Variants in NLGN4X observed in about 807,000 individuals in gnomAD.
NLGN4X encodes neuroligin 4 X-linked, also known as neuroligin-4, X-linked.
Under a neutral mutation model 40.3 loss-of-function variants are expected in NLGN4X, and 3 were observed. The observed-to-expected ratio is 0.07, with a 90% CI of 0.03 to 0.19. The LOEUF (loss-of-function observed/expected upper bound fraction) is 0.19. Ranked by LOEUF, NLGN4X falls within the 10% of genes least tolerant of loss-of-function variation. The pLI is 1.00. For missense variants in NLGN4X, 382 were observed against 708.3 expected (o/e 0.54, Z 5.23); for synonymous variants, 270 against 306.8 (o/e 0.88, Z 1.25).
chrX:6,206,255 C>G (rs1030369705), intron 1 of NLGN4X, among the ~76,000 whole-genome samples: 1 of 111,256 alleles, frequency 9.0e-6, no homozygotes, highest in African/African-American at 3.3e-5. Flanking sequence ...AAACCCAGCT[C>G]TGCCCCAAGC....
At chrX:5,948,890 A>G (rs981104477) in intron 3 of NLGN4X, among the ~76,000 whole-genome samples, 1 of 111,904 alleles carries the variant, frequency 8.9e-6, no homozygotes, top group African/African-American at 3.2e-5. Flanking sequence ...GGAGTCCTCA[A>G]TCAGCTGGGA....
chrX:5,929,801 AG>A (rs1185654484), intron 3 of NLGN4X, among the ~76,000 whole-genome samples: 8 of 112,749 alleles, frequency 7.1e-5, no homozygotes, highest in Non-Finnish European at 1.1e-4. Flanking sequence ...AGCCTTCATA[AG>A]GCAATGAAGA....
chrX:6,170,796 T>C (rs2040590007), intron 1 of NLGN4X, among the ~76,000 whole-genome samples: 1 of 112,031 alleles, frequency 8.9e-6, no homozygotes, highest in African/African-American at 3.2e-5. Flanking sequence ...AAATTATCAA[T>C]GGGCAACCAC....
chrX:5,934,909 A>C (rs1489409953), intron 3 of NLGN4X, among the ~76,000 whole-genome samples: 1 of 112,170 alleles, frequency 8.9e-6, no homozygotes, highest in Non-Finnish European at 1.9e-5. Flanking sequence ...ACAACAAAGA[A>C]ATAATCTGTC....
chrX:6,115,823 T>C lies in NLGN4X; in HGVS notation c.472+35172A>G, dbSNP rs187123138. On this transcript the variant is annotated intron_variant, in intron 2 of 5. Transcript: ENST00000381095. ...GTTTTAACGTGCACACCTGACTCTGTGGCTCTCAAGATGCAACATCTGTTC... is the reference window on the plus strand; with the variant it reads ...GTTTTAACGTGCACACCTGACTCTGCGGCTCTCAAGATGCAACATCTGTTC... Among the ~76,000 whole-genome samples the C allele has an allele frequency of 3.3e-3, 367 of 111,576 alleles. 1 individual carries two copies. Among genetic ancestry groups the C allele is most frequent in the Middle Eastern group, 0.032 (7 of 217 alleles).
intron 3 of NLGN4X, among the ~76,000 whole-genome samples, chrX:5,953,796 A>T (rs1262900411): frequency 1.8e-5 from 2 of 112,017 alleles, no homozygotes. Flanking sequence ...TACAAGCAGC[A>T]AAAAGATGTT....
intron 3 of NLGN4X, among the ~76,000 whole-genome samples, chrX:5,927,478 T>C (rs2033378472): frequency 8.9e-6 from 1 of 112,505 alleles, no homozygotes; most frequent in Non-Finnish European, 1.9e-5. Flanking sequence ...TTCTGTATTA[T>C]AGGTTCTTCT....
intron 1 of NLGN4X, chrX:6,186,955 T>G (rs768145362): frequency 9.0e-6 from 1 of 110,537 alleles, no homozygotes; most frequent in East Asian, 2.9e-4. Context: ...CTCTAGAAAT[T>G]TAAAGGAAAT....
chrX:5,919,758 T>C (rs755530233), intron 3 of NLGN4X, among the ~76,000 whole-genome samples: 1 of 111,781 alleles, frequency 8.9e-6, no homozygotes, highest in South Asian at 3.8e-4. Context: ...ACTGAAACCG[T>C]TCCCCTACTT....
At chrX:6,166,163 T>A (rs1450124613) in intron 1 of NLGN4X, among the ~76,000 whole-genome samples, 3 of 112,763 alleles carry the variant, frequency 2.7e-5, no homozygotes, top group Non-Finnish European at 5.6e-5. Context: ...AAATTGTGAC[T>A]ATTACGAACC....
intron 2 of NLGN4X, among the ~76,000 whole-genome samples, chrX:6,077,450 A>T (rs1055164651): frequency 3.7e-5 from 4 of 109,140 alleles, no homozygotes; most frequent in African/African-American, 1.3e-4. Flanking sequence ...CAGGATGCCT[A>T]GCTAATTTCT....
At chrX:5,953,746 C>T (rs2034392748) in intron 3 of NLGN4X, among the ~76,000 whole-genome samples, 1 of 112,299 alleles carries the variant, frequency 8.9e-6, no homozygotes, top group East Asian at 2.8e-4. Context: ...ATATGCTCTT[C>T]TTTTTTCCTA....
Position 6,049,730 on chromosome X carries a change from T to TG in NLGN4X, c.473-20299dup, listed in dbSNP as rs34737559. Among the ~76,000 whole-genome samples, 32 of 14,390 alleles carry TG rather than the reference T, an allele frequency of 2.2e-3. No individual in the cohort carries two copies. The South Asian group carries it at 0.04, about 18-fold the overall frequency. 12.5% of individuals were successfully genotyped at this position (14,390 alleles called of 115,157 possible). A position where few individuals can be genotyped will look rare whatever the true frequency, so the allele number is the denominator to read the frequency against. On this transcript the variant is annotated intron_variant, in intron 2 of 5. Transcript: ENST00000381095. Reference sequence around the variant, plus strand: ...CTTCTCTACAAAAGGAAAAATAAAATGGGGGGGGGGGGCGGTCACAAAATA... The same window carrying TG: ...CTTCTCTACAAAAGGAAAAATAAAATGGGGGGGGGGGGGCGGTCACAAAATA...
At chrX:6,159,526 A>T (rs2040341597) in intron 1 of NLGN4X, among the ~76,000 whole-genome samples, 1 of 112,103 alleles carries the variant, frequency 8.9e-6, no homozygotes, top group South Asian at 3.7e-4. Context: ...GGGAAAATAT[A>T]AACTGTTTTC....
intron 1 of NLGN4X, among the ~76,000 whole-genome samples, chrX:6,200,772 G>A (rs1164327954): frequency 1.1e-5 from 1 of 90,855 alleles, no homozygotes; most frequent in Non-Finnish European, 2.1e-5. Flanking sequence ...TTATAACCTT[G>A]AATACCCAGG....
intron 3 of NLGN4X, among the ~76,000 whole-genome samples, chrX:5,978,733 C>T (rs1020720971): frequency 1.8e-5 from 2 of 111,850 alleles, no homozygotes; most frequent in Non-Finnish European, 3.8e-5. Context: ...ATAAACTGTA[C>T]ATAAAGTATA....
intron 2 of NLGN4X, among the ~76,000 whole-genome samples, chrX:6,051,497 A>C (rs186313810): frequency 2.7e-5 from 3 of 111,117 alleles, no homozygotes; most frequent in Non-Finnish European, 5.7e-5. Context: ...GGAGAGAAGA[A>C]GGCCTTGTAA....
Position 5,891,424 on chromosome X carries a change from C to A in NLGN4X, c.*1393G>T. The A allele has an allele frequency of 4.4e-6, 1 of 228,318 alleles. No homozygotes were observed. Among genetic ancestry groups the A allele is most frequent in the Non-Finnish European group, 8.0e-6 (1 of 125,524 alleles). The allele number at this position is 228,318 out of a possible 1,213,427, so 18.8% of individuals were successfully genotyped here. ...AAATGATATAAAAGATTTTTAAAAA[C>A]CTGCTTACTGATAAATAAGGGACCG... On this transcript the variant is annotated 3_prime_UTR_variant, in exon 6 of 6. Transcript: ENST00000381095.
At chrX:6,115,902 C>T (rs1251604553) in intron 2 of NLGN4X, among the ~76,000 whole-genome samples, 2 of 111,389 alleles carry the variant, frequency 1.8e-5, no homozygotes, top group Non-Finnish European at 3.8e-5. Flanking sequence ...CCCAATTCTC[C>T]AGCTTTATCA....
Sources: allele counts gnomAD v4.1 joint callset (sites outside exome capture counted in the v4.1 genomes callset), GRCh38; gene constraint gnomAD v4.1.1; transcripts MANE v1.5; gene names NCBI Gene and HGNC (gene_info 2026-07-23, HGNC 2026-07-21).